OTUD7A: variants seen among roughly 807,000 people sequenced by gnomAD.
OTUD7A encodes the protein OTU deubiquitinase 7A.
Under a neutral mutation model 65.7 loss-of-function variants are expected in OTUD7A, and 12 were observed. The observed-to-expected ratio is 0.18, with a 90% CI of 0.12 to 0.30. The LOEUF (loss-of-function observed/expected upper bound fraction) is 0.30, where lower values mean the gene tolerates loss of function less well. Among genes scored for constraint, OTUD7A ranks in the 10% least tolerant of loss-of-function variants. The probability of loss-of-function intolerance (pLI) is 1.00; values close to 1 mark genes in which losing one functional copy is unlikely to be tolerated. For missense variants in OTUD7A, 1,148 were observed against 1,304.8 expected, an observed-to-expected ratio of 0.88 and a Z score of 1.85; for synonymous variants, 641 against 586.3, an observed-to-expected ratio of 1.09 and a Z score of -1.35.
chr15:31,681,516 G>C (rs111939528), intron 1 of OTUD7A, among the ~76,000 whole-genome samples: 3,310 of 150,844 alleles, frequency 0.022, 133 homozygotes, highest in African/African-American at 0.074. Context: ...TCTTGTTTGT[G>C]TGCATATCTA....
chr15:31,854,243 C>A (rs1276570375), intron 1 of OTUD7A, among the ~76,000 whole-genome samples: 2 of 152,130 alleles, frequency 1.3e-5, no homozygotes, highest in Non-Finnish European at 2.9e-5. Context: ...TCACTCTGAC[C>A]TCTGCTCTCA....
chr15:31,590,749 A>G (rs770258437), intron 3 of OTUD7A, among the ~76,000 whole-genome samples: 9 of 152,184 alleles, frequency 5.9e-5, no homozygotes, highest in Non-Finnish European at 1.3e-4. Flanking sequence ...AATGATGCAA[A>G]TATATGGTAA....
intron 1 of OTUD7A, among the ~76,000 whole-genome samples, chr15:31,732,430 G>A (rs1365758478): frequency 6.6e-6 from 1 of 152,222 alleles, no homozygotes; most frequent in African/African-American, 2.4e-5. Flanking sequence ...ATTGTGCCAT[G>A]CTTCATATTT....
At chr15:31,795,564 G>C (rs897633060) in intron 1 of OTUD7A, among the ~76,000 whole-genome samples, 1 of 152,184 alleles carries the variant, frequency 6.6e-6, no homozygotes, top group Non-Finnish European at 1.5e-5. Context: ...GAGAACAGTG[G>C]GTTGGAGTGC....
At chr15:31,855,205 A>G (rs1897537893) in intron 1 of OTUD7A, among the ~76,000 whole-genome samples, 1 of 151,816 alleles carries the variant, frequency 6.6e-6, no homozygotes, top group African/African-American at 2.4e-5. Flanking sequence ...CAATACCAGC[A>G]TCCAGAAACA....
intron 3 of OTUD7A, among the ~76,000 whole-genome samples, chr15:31,609,208 C>A (rs796495329): frequency 6.6e-6 from 1 of 152,148 alleles, no homozygotes; most frequent in Non-Finnish European, 1.5e-5. Context: ...TTGAACTGGG[C>A]AAGAGCCTCC....
intron 8 of OTUD7A, among the ~76,000 whole-genome samples, chr15:31,507,553 G>A (rs2041596878): frequency 6.6e-6 from 1 of 152,172 alleles, no homozygotes; most frequent in African/African-American, 2.4e-5. Context: ...GTGAGCAGCA[G>A]CAAGATTTAT....
intron 1 of OTUD7A, among the ~76,000 whole-genome samples, chr15:31,838,230 C>T (rs779574247): frequency 6.6e-5 from 10 of 152,194 alleles, no homozygotes; most frequent in African/African-American, 7.2e-5. Flanking sequence ...TTAGATGTGA[C>T]GCTAGTCACT....
intron 1 of OTUD7A, among the ~76,000 whole-genome samples, chr15:31,721,584 TA>T (rs965886015): frequency 3.3e-5 from 5 of 151,992 alleles, no homozygotes; most frequent in Non-Finnish European, 7.4e-5. Context: ...GAAAATCAAG[TA>T]AAAAAGACAA....
chr15:31,746,146 C>T (rs1275410013), intron 1 of OTUD7A, among the ~76,000 whole-genome samples: 1 of 152,188 alleles, frequency 6.6e-6, no homozygotes, highest in Non-Finnish European at 1.5e-5. Flanking sequence ...TAAAACTAAG[C>T]AAACATCAAC....
chr15:31,837,038 G>A (rs1212993880), intron 1 of OTUD7A, among the ~76,000 whole-genome samples: 2 of 152,068 alleles, frequency 1.3e-5, no homozygotes, highest in African/African-American at 4.8e-5. Context: ...TCATAAAGAA[G>A]AAATAAAGCT....
chr15:31,613,414 T>A (rs1489776398), intron 3 of OTUD7A, among the ~76,000 whole-genome samples: 1 of 151,730 alleles, frequency 6.6e-6, no homozygotes, highest in Non-Finnish European at 1.5e-5. Context: ...AGGACTAATA[T>A]CCAGAATCTA....
intron 1 of OTUD7A, among the ~76,000 whole-genome samples, chr15:31,673,299 A>G (rs1280196786): frequency 6.6e-6 from 1 of 152,242 alleles, no homozygotes; most frequent in Non-Finnish European, 1.5e-5. Flanking sequence ...TCCACAAGGA[A>G]TAATAATCAA....
chr15:31,839,999 C>T (rs187406145), intron 1 of OTUD7A, among the ~76,000 whole-genome samples: 51 of 151,896 alleles, frequency 3.4e-4, no homozygotes, highest in African/African-American at 1.1e-3. Flanking sequence ...TTTAACTTGA[C>T]CAGACTCTAA....
rs887052543 is a variant in OTUD7A at position 31,749,280 on chromosome 15, G to C, written c.-99-92203C>G. ...GTGCACATGTACCCTAAAACTTAAA[G>C]TATAATAAAAAATAAAACAAAAAAC... On this transcript the variant is annotated intron_variant, in intron 1 of 12. Transcript: ENST00000307050. Among the ~76,000 whole-genome samples the C allele has an allele frequency of 2.0e-5, 3 of 152,278 alleles. No homozygotes were observed. In the South Asian group the frequency reaches 6.2e-4, roughly 32 times the overall value.
At chr15:31,758,773 C>T (rs1372985053) in intron 1 of OTUD7A, among the ~76,000 whole-genome samples, 4 of 152,190 alleles carry the variant, frequency 2.6e-5, no homozygotes, top group Non-Finnish European at 5.9e-5. Flanking sequence ...TCAAACTCAA[C>T]ACGACTCCAT....
chr15:31,501,491 T>A (rs1245031826), intron 10 of OTUD7A, among the ~76,000 whole-genome samples, 199 bp downstream of exon 10: 1 of 152,224 alleles, frequency 6.6e-6, no homozygotes, highest in Non-Finnish European at 1.5e-5. Context: ...GAATGTTGTC[T>A]TTAACATTGT....
chr15:31,540,259 C>G (rs34786324), intron 5 of OTUD7A, among the ~76,000 whole-genome samples: 26,009 of 152,196 alleles, frequency 0.17, 2,326 homozygotes, highest in Non-Finnish European at 0.2. Context: ...ACACGCTAAC[C>G]AATCATCACT....
At chr15:31,666,281 G>T (rs1892318190) in intron 1 of OTUD7A, among the ~76,000 whole-genome samples, 4 of 152,146 alleles carry the variant, frequency 2.6e-5, no homozygotes, top group Non-Finnish European at 5.9e-5. Context: ...TTTAAATTAA[G>T]ATTTCAATCA....
Sources: gnomAD v4.1 joint callset for allele counts (sites outside exome capture counted in the v4.1 genomes callset) on GRCh38, gnomAD v4.1.1 for gene constraint, MANE v1.5 for transcripts, NCBI Gene and HGNC (gene_info 2026-07-23, HGNC 2026-07-21) for gene names.